The following SYT16 variants were observed in gnomAD, a reference collection of about 807,000 sequenced individuals.
SYT16 encodes the protein synaptotagmin 16.
Under a neutral mutation model 61.4 loss-of-function variants are expected in SYT16, and 42 were observed. The ratio of observed to expected loss-of-function variants is 0.68; its 90% confidence interval spans 0.53 to 0.89. The LOEUF (loss-of-function observed/expected upper bound fraction) is 0.89. Ranked by LOEUF, SYT16 falls within the 40% of genes least tolerant of loss-of-function variation. SYT16 has a pLI of 0.00. For missense variants in SYT16, 804 were observed against 807.3 expected (o/e 1.00, Z 0.05); for synonymous variants, 314 against 302.3 (o/e 1.04, Z -0.40).
chr14:61,862,470 CAT>C (rs1390455161), intron 1 of SYT16, among the ~76,000 whole-genome samples: 2 of 152,280 alleles, frequency 1.3e-5, no homozygotes, highest in East Asian at 3.9e-4. Flanking sequence ...AAAAAGTAGA[CAT>C]ATTTTAGAGT....
At position 62,075,304 on chromosome 14, in the gene SYT16, G is replaced by A; in HGVS notation, c.906G>A (p.Glu302=). ...VVQSLRRQST[E]GSLEMETAFN... ...AAAGCCTCAGGCGCCAATCCACAGA[G>A]GGCAGCTTGGAGATGGAGACAGCTT... The change falls in exon 5 of 8, where the codon GAG becomes GAA. Residue 302 remains glutamate (E), a synonymous_variant. Transcript: ENST00000683842. The A allele has an allele frequency of 6.2e-7, 1 of 1,613,878 alleles. No individual in the cohort carries two copies. Among genetic ancestry groups the A allele is most frequent in the Non-Finnish European group, 8.5e-7 (1 of 1,179,848 alleles).
intron 3 of SYT16, among the ~76,000 whole-genome samples, chr14:62,014,493 G>A (rs1160096431): frequency 3.3e-5 from 5 of 151,708 alleles, no homozygotes; most frequent in Non-Finnish European, 2.9e-5. Context: ...GAGTGTAATG[G>A]TGCAGTCTCA....
At chr14:62,006,575 C>G (rs928576885) in intron 3 of SYT16, among the ~76,000 whole-genome samples, 27 of 152,128 alleles carry the variant, frequency 1.8e-4, no homozygotes, top group Admixed American at 1.2e-3. Context: ...TACTAAGGAC[C>G]TGGTTGCCAA....
chr14:61,958,918 T>G (rs937538364), intron 1 of SYT16, among the ~76,000 whole-genome samples: 1 of 152,114 alleles, frequency 6.6e-6, no homozygotes, highest in African/African-American at 2.4e-5. Context: ...TGTTTTATAT[T>G]TCGGGTGTTT....
intron 1 of SYT16, among the ~76,000 whole-genome samples, chr14:61,824,224 T>C (rs1368562732): frequency 6.6e-6 from 1 of 152,222 alleles, no homozygotes; most frequent in Non-Finnish European, 1.5e-5. Context: ...TATATACTTT[T>C]TCTTTTTTGG....
chr14:61,843,321 T>C (rs906329434), intron 1 of SYT16, among the ~76,000 whole-genome samples: 1 of 152,252 alleles, frequency 6.6e-6, no homozygotes, highest in African/African-American at 2.4e-5. Flanking sequence ...ATTTCTCTGA[T>C]GATCAATGAT....
chr14:61,917,969 G>A (rs2049183165), intron 1 of SYT16, among the ~76,000 whole-genome samples: 1 of 152,156 alleles, frequency 6.6e-6, no homozygotes, highest in South Asian at 2.1e-4. Flanking sequence ...AATGAAGTTT[G>A]TGTATATAGA....
chr14:62,007,634 TC>T (rs1173852414), intron 3 of SYT16, among the ~76,000 whole-genome samples: 1 of 152,084 alleles, frequency 6.6e-6, no homozygotes, highest in Non-Finnish European at 1.5e-5. Context: ...TATAACAAAA[TC>T]CTATGTGGAC....
At chr14:62,012,344 T>G (rs2140712604) in intron 3 of SYT16, among the ~76,000 whole-genome samples, 1 of 152,276 alleles carries the variant, frequency 6.6e-6, no homozygotes, top group African/African-American at 2.4e-5. Flanking sequence ...TGGCTGTTGG[T>G]TGGAGGCCAC....
chr14:61,979,901 A>G (rs1425706464), intron 2 of SYT16, among the ~76,000 whole-genome samples: 2 of 152,042 alleles, frequency 1.3e-5, no homozygotes, highest in African/African-American at 4.8e-5. Flanking sequence ...AAAAAATTCC[A>G]CTGGGATAGT....
intron 3 of SYT16, among the ~76,000 whole-genome samples, chr14:61,997,873 T>C (rs1236006963): frequency 1.3e-5 from 2 of 152,040 alleles, no homozygotes; most frequent in African/African-American, 4.8e-5. Flanking sequence ...AGTAAAACAA[T>C]TGTGTTCATC....
intron 1 of SYT16, among the ~76,000 whole-genome samples, chr14:61,830,865 G>A (rs554225341): frequency 7.7e-4 from 118 of 152,282 alleles, no homozygotes; most frequent in African/African-American, 2.5e-3. Flanking sequence ...AGGAGAAGGC[G>A]TGCTACTTCT....
At chr14:61,952,394 T>C (rs560841629) in intron 1 of SYT16, among the ~76,000 whole-genome samples, 3 of 152,302 alleles carry the variant, frequency 2.0e-5, no homozygotes, top group Non-Finnish European at 2.9e-5. Context: ...GTCTCAGAGA[T>C]TCACTCCATG....
intron 1 of SYT16, among the ~76,000 whole-genome samples, chr14:61,888,664 G>T (rs1050418542): frequency 6.6e-6 from 1 of 151,678 alleles, no homozygotes; most frequent in Non-Finnish European, 1.5e-5. Context: ...AAATTATTGT[G>T]TGAATTACAA....
At chr14:61,932,624 G>A (rs1049940161) in intron 1 of SYT16, among the ~76,000 whole-genome samples, 3 of 152,154 alleles carry the variant, frequency 2.0e-5, no homozygotes, top group Admixed American at 6.6e-5. Context: ...AACACATGGG[G>A]GATTATGGAG....
At position 61,970,595 on chromosome 14, in the gene SYT16, G is replaced by A. The variant is rs138568331; in HGVS notation, c.-145+284G>A. 1.6e-4 allele frequency among the ~76,000 whole-genome samples: 24 copies of A among 152,288 alleles called. No individual in the cohort carries two copies. In the East Asian group the frequency reaches 3.5e-3, roughly 22 times the overall value. On this transcript the variant is annotated intron_variant, in intron 2 of 7. Coordinates refer to ENST00000683842, the MANE Select transcript of SYT16 (RefSeq NM_001367656.1). ...CGTTTTAGTCTCATGATGTTAGAAC[G>A]ATGTTGGCATTTCACTTGTTAGCTG... is the stretch of plus-strand genomic sequence containing the variant.
intron 1 of SYT16, among the ~76,000 whole-genome samples, chr14:61,949,275 T>C (rs746724870): frequency 7.2e-5 from 11 of 152,154 alleles, no homozygotes; most frequent in Non-Finnish European, 1.6e-4. Context: ...TCACCCTGGT[T>C]ATAGAGTTAG....
intron 1 of SYT16, among the ~76,000 whole-genome samples, chr14:61,826,469 C>T (rs1351354561): frequency 1.3e-5 from 2 of 151,954 alleles, no homozygotes; most frequent in African/African-American, 4.8e-5. Context: ...GATGAAGATT[C>T]CAATTTCCTG....
intron 1 of SYT16, among the ~76,000 whole-genome samples, chr14:61,905,309 G>A (rs1451495341): frequency 6.6e-6 from 1 of 151,758 alleles, no homozygotes; most frequent in Non-Finnish European, 1.5e-5. Context: ...TTCATGGTAG[G>A]GATGTTAGCT....
Sources: allele counts gnomAD v4.1 joint callset (sites outside exome capture counted in the v4.1 genomes callset), GRCh38; gene constraint gnomAD v4.1.1; transcripts MANE v1.5; gene names NCBI Gene and HGNC (gene_info 2026-07-23, HGNC 2026-07-21).